TLK1: variants seen among roughly 807,000 people sequenced by gnomAD.
The protein encoded by TLK1 is serine/threonine-protein kinase tousled-like 1.
Under a neutral mutation model 105.3 loss-of-function variants are expected in TLK1, and 24 were observed. That is an observed-to-expected ratio of 0.23 (90% CI 0.17 to 0.32). The LOEUF is 0.32. Ranked by LOEUF, TLK1 falls within the 10% of genes least tolerant of loss-of-function variation. The pLI is 1.00. For synonymous variants in TLK1, 321 were observed against 310.4 expected, an observed-to-expected ratio of 1.03 and a Z score of -0.36; for missense variants, 558 against 910.5, an observed-to-expected ratio of 0.61 and a Z score of 4.98.
intron 14 of TLK1, among the ~76,000 whole-genome samples, chr2:171,009,804 C>T (rs1347390838): frequency 6.6e-6 from 1 of 152,158 alleles, no homozygotes; most frequent in African/African-American, 2.4e-5. Context: ...AGGATTTAAA[C>T]CTAGCTGTCT....
At chr2:171,134,651 A>G (rs1021594758) in intron 1 of TLK1, among the ~76,000 whole-genome samples, 1 of 151,566 alleles carries the variant, frequency 6.6e-6, no homozygotes, top group Admixed American at 6.6e-5. Context: ...TACAGAATCA[A>G]CCTAAATGTC....
chr2:171,104,113 T>C (rs901477275), intron 2 of TLK1, among the ~76,000 whole-genome samples: 1 of 151,802 alleles, frequency 6.6e-6, no homozygotes, highest in Non-Finnish European at 1.5e-5. Context: ...CCGTCTCTAC[T>C]AAAAATACAA....
At chr2:171,214,849 A>G (rs1245565637) in intron 1 of TLK1, among the ~76,000 whole-genome samples, 17 of 152,160 alleles carry the variant, frequency 1.1e-4, no homozygotes, top group Non-Finnish European at 1.3e-4. Flanking sequence ...CTTCCAGCTA[A>G]AGAATTCTGT....
chr2:171,049,735 A>C, intron 10 of TLK1, 79 bp downstream of exon 10: 1 of 1,554,902 alleles, frequency 6.4e-7, no homozygotes, highest in Non-Finnish European at 8.7e-7. Context: ...TGGAGAGCAT[A>C]ATTACAAATC....
intron 10 of TLK1, 53 bp downstream of exon 10, chr2:171,049,761 T>A: frequency 6.2e-7 from 1 of 1,601,190 alleles, no homozygotes; most frequent in East Asian, 2.2e-5. Context: ...TCTTTTAAAG[T>A]AATGAAAACC....
chr2:171,020,466 G>A (rs1207643297), intron 12 of TLK1, among the ~76,000 whole-genome samples: 1 of 151,756 alleles, frequency 6.6e-6, no homozygotes, highest in Non-Finnish European at 1.5e-5. Context: ...CTTGAACCCA[G>A]GAGTCGGAGG....
chr2:171,186,253 A>C (rs1236219780), intron 1 of TLK1, among the ~76,000 whole-genome samples: 2 of 152,214 alleles, frequency 1.3e-5, no homozygotes, highest in Non-Finnish European at 2.9e-5. Context: ...ATTCAGTGAG[A>C]TACCTCTCCC....
chr2:171,078,407 G>A (rs111356890), intron 3 of TLK1, among the ~76,000 whole-genome samples: 2,943 of 152,120 alleles, frequency 0.019, 42 homozygotes, highest in Non-Finnish European at 0.031. Context: ...GCATGGTGGC[G>A]CACACCTGTA....
intron 1 of TLK1, among the ~76,000 whole-genome samples, chr2:171,180,482 A>T (rs1692909376): frequency 6.6e-6 from 1 of 152,202 alleles, no homozygotes; most frequent in Non-Finnish European, 1.5e-5. Context: ...GAAGACTACA[A>T]CATGTTTTAA....
intron 1 of TLK1, among the ~76,000 whole-genome samples, chr2:171,183,012 A>G (rs949698596): frequency 1.3e-5 from 2 of 151,818 alleles, no homozygotes; most frequent in African/African-American, 4.8e-5. Flanking sequence ...GTCTCAGGAC[A>G]AACAGTTTAT....
upstream of TLK1, among the ~76,000 whole-genome samples, chr2:171,163,744 C>CT (rs879896490): frequency 3.7e-3 from 538 of 146,274 alleles, 1 homozygote; most frequent in African/African-American, 0.011. Context: ...ATTCATAGTA[C>CT]TTTTTTTTTT....
At chr2:171,142,912 C>A (rs1171991456) in intron 1 of TLK1, among the ~76,000 whole-genome samples, 3 of 152,082 alleles carry the variant, frequency 2.0e-5, no homozygotes, top group Non-Finnish European at 4.4e-5. Flanking sequence ...AGAATGGAGT[C>A]AAATCAGAAA....
intron 1 of TLK1, among the ~76,000 whole-genome samples, chr2:171,149,113 T>TC (rs1193812192): frequency 6.8e-6 from 1 of 146,252 alleles, no homozygotes; most frequent in Non-Finnish European, 1.5e-5. Context: ...TTTTTTTTTT[T>TC]TTTTTTTTTT....
intron 1 of TLK1, among the ~76,000 whole-genome samples, chr2:171,219,459 G>T (rs1462930132): frequency 6.6e-6 from 1 of 152,182 alleles, no homozygotes; most frequent in Non-Finnish European, 1.5e-5. Flanking sequence ...ATTTCTCATA[G>T]TTCTGGAGGC....
At chr2:171,067,540 A>G (rs548851765) in intron 3 of TLK1, among the ~76,000 whole-genome samples, 5 of 152,342 alleles carry the variant, frequency 3.3e-5, no homozygotes, top group Admixed American at 2.0e-4. Context: ...TTAACACTGT[A>G]TAAGACTACT....
intron 2 of TLK1, among the ~76,000 whole-genome samples, chr2:171,104,990 T>C (rs1455973024): frequency 6.6e-6 from 1 of 152,172 alleles, no homozygotes; most frequent in Non-Finnish European, 1.5e-5. Flanking sequence ...TCTCACTGTA[T>C]ACAAAAATCA....
At chr2:171,225,996 C>T (rs1693890172) in intron 1 of TLK1, among the ~76,000 whole-genome samples, 1 of 151,962 alleles carries the variant, frequency 6.6e-6, no homozygotes, top group African/African-American at 2.4e-5. Context: ...TTTAAGCATC[C>T]TAAATTATAA....
chr2:171,053,636 C>T lies in TLK1; in HGVS notation c.732+125G>A. The stretch of plus-strand genomic sequence containing the variant: ...TCGACCTCCCAAAGTGCTGGGATTA[C>T]AGGCATGAGCCACTGCGCCTGGCCT... On this transcript the variant is annotated intron_variant, in intron 8 of 20. Transcript: ENST00000431350. 8.9e-6 allele frequency: 6 copies of T among 675,894 alleles called. No homozygotes were observed. The South Asian group carries it at 1.3e-4, about 15-fold the overall frequency. 41.9% of individuals were successfully genotyped at this position (675,894 alleles called of 1,614,324 possible).
chr2:171,029,141 C>G (rs549371981), intron 11 of TLK1, among the ~76,000 whole-genome samples: 1 of 152,098 alleles, frequency 6.6e-6, no homozygotes, highest in Admixed American at 6.5e-5. Context: ...GGGAGACATA[C>G]TATGTATAGA....
Sources: allele counts gnomAD v4.1 joint callset (sites outside exome capture counted in the v4.1 genomes callset), GRCh38; gene constraint gnomAD v4.1.1; transcripts MANE v1.5; gene names NCBI Gene and HGNC (gene_info 2026-07-23, HGNC 2026-07-21).